Variants in DNAJC5 observed in about 807,000 individuals in gnomAD.
DNAJC5 encodes the protein DnaJ heat shock protein family (Hsp40) member C5.
Under a neutral mutation model 23.2 loss-of-function variants are expected in DNAJC5, and 1 was observed. That is an observed-to-expected ratio of 0.04 (90% CI 0.02 to 0.20). DNAJC5 has a LOEUF of 0.20. DNAJC5 is among the 10% of genes least tolerant of loss of function. The probability of loss-of-function intolerance (pLI) is 1.00; values close to 1 mark genes in which losing one functional copy is unlikely to be tolerated. For missense variants in DNAJC5, 180 were observed against 267.0 expected (o/e 0.67, Z 2.27); for synonymous variants, 136 against 120.0 (o/e 1.13, Z -0.87).
intron 1 of DNAJC5, among the ~76,000 whole-genome samples, chr20:63,902,619 C>T (rs58842536): frequency 0.019 from 2,809 of 150,784 alleles, 103 homozygotes; most frequent in African/African-American, 0.064. Flanking sequence ...CCACTCACCT[C>T]GGCCTCCCAA....
intron 1 of DNAJC5, among the ~76,000 whole-genome samples, chr20:63,909,983 A>C (rs1270610639): frequency 6.6e-6 from 1 of 152,156 alleles, no homozygotes; most frequent in African/African-American, 2.4e-5. Flanking sequence ...GGTTTTCTGG[A>C]ATATTTTTGG....
intron 1 of DNAJC5, among the ~76,000 whole-genome samples, chr20:63,901,442 G>A (rs2053411186): frequency 1.3e-5 from 2 of 152,226 alleles, no homozygotes; most frequent in Admixed American, 1.3e-4. Flanking sequence ...AGGTAGGGTG[G>A]AAATGTGTTC....
chr20:63,930,718 T>C, intron 3 of DNAJC5, 133 bp from the exon 4 acceptor site: 2 of 1,408,668 alleles, frequency 1.4e-6, no homozygotes, highest in Non-Finnish European at 2.0e-6. Flanking sequence ...TCTTTCCTTC[T>C]GCTTCCTGTC....
chr20:63,897,249 C>G (rs6062329), intron 1 of DNAJC5, among the ~76,000 whole-genome samples: 1 of 152,100 alleles, frequency 6.6e-6, no homozygotes, highest in Non-Finnish European at 1.5e-5. Context: ...ACAAAATTAG[C>G]TGGGTGTGGT....
chr20:63,930,070 C>T (rs982804396), intron 3 of DNAJC5, among the ~76,000 whole-genome samples: 1 of 152,204 alleles, frequency 6.6e-6, no homozygotes, highest in African/African-American at 2.4e-5. Context: ...CGTTTTGTTC[C>T]AAATGTCATA....
chr20:63,913,865 C>T (rs769123207), intron 1 of DNAJC5, among the ~76,000 whole-genome samples: 1 of 152,224 alleles, frequency 6.6e-6, no homozygotes, highest in East Asian at 1.9e-4. Context: ...AGGCGTGAGC[C>T]ACCGCGCCAG....
At chr20:63,914,384 C>T (rs530063809) in intron 1 of DNAJC5, among the ~76,000 whole-genome samples, 55 of 146,528 alleles carry the variant, frequency 3.8e-4, no homozygotes, top group African/African-American at 9.4e-4. Flanking sequence ...GCGCGATCTC[C>T]GCTCACTGCA....
rs763861893 is a variant in DNAJC5, at chr20:63,931,230, T to C, written c.493+208T>C. 8.9e-6 allele frequency: 7 copies of C among 790,428 alleles called. No homozygotes were observed. The highest frequency in any genetic ancestry group is 1.3e-5 in the Non-Finnish European group (6 of 466,996). The allele number at this position is 790,428 out of a possible 1,614,324, so 49.0% of individuals were successfully genotyped here. ...TCCCCGCCGTGACCTGCGGTAGCCG[T>C]AGATCCCAGGGACTGCGAGGCGGGG... is the stretch of plus-strand genomic sequence containing the variant. On this transcript the variant is annotated intron_variant, in intron 4 of 4. Transcript: ENST00000360864. The surrounding 1 kb of genome is among the most constrained non-coding windows in gnomAD (Gnocchi z 9.6).
At position 63,926,873 on chromosome 20, in the gene DNAJC5, G is replaced by C. The variant is rs183425972; in HGVS notation, c.-11-1462G>C. Among the ~76,000 whole-genome samples the C allele has an allele frequency of 1.1e-3, 167 of 152,346 alleles. 2 individuals carry two copies. Among genetic ancestry groups the C allele is most frequent in the Middle Eastern group, 6.8e-3 (2 of 294 alleles). ...GTCATGTTTCATCTGGGTGCCCCACGATGCAGCAAAGGAGACATGAAATTA... is the reference window on the plus strand; with the variant it reads ...GTCATGTTTCATCTGGGTGCCCCACCATGCAGCAAAGGAGACATGAAATTA... On this transcript the variant is annotated intron_variant, in intron 1 of 4. Coordinates refer to ENST00000360864, the MANE Select transcript of DNAJC5 (RefSeq NM_025219.3).
Position 63,930,831 on chromosome 20 carries a change from C to A in DNAJC5, c.322-20C>A, listed in dbSNP as rs764084165. On this transcript the variant is annotated intron_variant, in intron 3 of 4. Coordinates refer to ENST00000360864, the MANE Select transcript of DNAJC5 (RefSeq NM_025219.3). ...CAGGGGCCTCGGAGGCCATGCAACA[C>A]CACCTTCTTCTCCCCCCAGGCCCTG... The A allele has an allele frequency of 1.9e-6, 3 of 1,611,780 alleles. No homozygotes were observed. The South Asian group carries it at 3.3e-5, about 18-fold the overall frequency.
At position 63,901,121 on chromosome 20, in the gene DNAJC5, C is replaced by T. The variant is rs192257879; in HGVS notation, c.-12+5798C>T. Among the ~76,000 whole-genome samples, 42 of 152,324 alleles carry T rather than the reference C, an allele frequency of 2.8e-4. No individual in the cohort carries two copies. In the East Asian group the frequency reaches 6.7e-3, roughly 24 times the overall value. On this transcript the variant is annotated intron_variant, in intron 1 of 4. Transcript: ENST00000360864. ...CTGGAATTACAGGCGTGTGCCACCA[C>T]GCCCAGCTAATTTTTGTATTTTTAG...
chr20:63,913,090 T>A, intron 1 of DNAJC5, among the ~76,000 whole-genome samples: 1 of 152,188 alleles, frequency 6.6e-6, no homozygotes, highest in African/African-American at 2.4e-5. Context: ...CATCTCCCTG[T>A]CTGCACTGTC....
chr20:63,921,508 G>A (rs974323108), intron 1 of DNAJC5, among the ~76,000 whole-genome samples: 3 of 151,436 alleles, frequency 2.0e-5, no homozygotes, highest in Non-Finnish European at 2.9e-5. Flanking sequence ...GAAGAATGGC[G>A]TGAACCCGGG....
chr20:63,929,261 G>T lies in DNAJC5; in HGVS notation c.108-51G>T, dbSNP rs2053641090. 1 of 1,576,336 alleles carries T rather than the reference G, an allele frequency of 6.3e-7. No homozygotes were observed. The highest frequency in any genetic ancestry group is 1.4e-5 in the African/African-American group (1 of 73,720). ...GGGTGGGATGGACGCGGCGGCGGGT[G>T]CGGGTGGAACAAAGTCCAGGGTAGA... is the stretch of plus-strand genomic sequence containing the variant. On this transcript the variant is annotated intron_variant, in intron 2 of 4. Transcript: ENST00000360864. The surrounding 1 kb of genome is among the most constrained non-coding windows in gnomAD (Gnocchi z 8.6).
At chr20:63,913,577 A>G (rs2146283650) in intron 1 of DNAJC5, among the ~76,000 whole-genome samples, 1 of 146,024 alleles carries the variant, frequency 6.8e-6, no homozygotes, top group South Asian at 2.2e-4. Flanking sequence ...TTGTATTTTT[A>G]TTTTTTATTT....
chr20:63,928,456 A>C lies in DNAJC5; in HGVS notation c.107+4A>C. 1.2e-6 allele frequency: 2 copies of C among 1,612,588 alleles called. No individual in the cohort carries two copies. Among genetic ancestry groups the C allele is most frequent in the Non-Finnish European group, 8.5e-7 (1 of 1,178,708 alleles). ...ATGACATTAAAAAGTCCTATCGGTA[A>C]GTGGACAAGTGTGGCCCCCACATCC... On this transcript the variant is annotated splice_donor_region_variant and intron_variant, in intron 2 of 4. Coordinates refer to ENST00000360864, the MANE Select transcript of DNAJC5 (RefSeq NM_025219.3). This position sits in a 1 kb window ranked among gnomAD's most constrained non-coding sequence, Gnocchi z 4.6.
rs2053692344 is a variant in DNAJC5, at chr20:63,933,548, T to C, written c.*1980T>C. On this transcript the variant is annotated 3_prime_UTR_variant, in exon 5 of 5. Coordinates refer to ENST00000360864, the MANE Select transcript of DNAJC5 (RefSeq NM_025219.3). The stretch of plus-strand genomic sequence containing the variant: ...AGAAATAATTTATCAAAATCAGACC[T>C]CTCCTAAAAGAATAAGAAATTCATT... 6.6e-6 allele frequency: 1 copy of C among 152,296 alleles called. No homozygotes were observed. The highest frequency in any genetic ancestry group is 6.5e-5 in the Admixed American group (1 of 15,270). 9.4% of individuals were successfully genotyped at this position (152,296 alleles called of 1,614,324 possible).
chr20:63,918,310 G>A (rs532594707), intron 1 of DNAJC5, among the ~76,000 whole-genome samples: 3 of 152,066 alleles, frequency 2.0e-5, no homozygotes, highest in Non-Finnish European at 4.4e-5. Context: ...CAGCCTGGGA[G>A]TTTGAGGCCA....
chr20:63,935,199 A>G lies in DNAJC5; in HGVS notation c.*3631A>G. The stretch of plus-strand genomic sequence containing the variant: ...CTGTGGTGTGTCCGTGTGTGTACAT[A>G]TGTGTATATGTATATATCACGCAGC... On this transcript the variant is annotated 3_prime_UTR_variant, in exon 5 of 5. Transcript: ENST00000360864. 6.6e-6 allele frequency: 1 copy of G among 152,328 alleles called. No individual in the cohort carries two copies. The highest frequency in any genetic ancestry group is 1.5e-5 in the Non-Finnish European group (1 of 68,046). The allele number at this position is 152,328 out of a possible 1,614,324, so 9.4% of individuals were successfully genotyped here. A position where few individuals can be genotyped will look rare whatever the true frequency, so the allele number is the denominator to read the frequency against.
Sources: gnomAD v4.1 joint callset for allele counts (sites outside exome capture counted in the v4.1 genomes callset) on GRCh38, gnomAD v4.1.1 for gene constraint, Gnocchi (gnomAD v3.1) non-coding constraint, MANE v1.5 for transcripts, NCBI Gene and HGNC (gene_info 2026-07-23, HGNC 2026-07-21) for gene names.